The following DHRS7B variants were observed in gnomAD, a reference collection of about 807,000 sequenced individuals.
DHRS7B encodes dehydrogenase/reductase 7B.
Under a neutral mutation model 26.4 loss-of-function variants are expected in DHRS7B, and 24 were observed. The ratio of observed to expected loss-of-function variants is 0.91; its 90% CI spans 0.66 to 1.28. DHRS7B has a LOEUF of 1.28. DHRS7B is among the 50% of genes most tolerant of loss of function. The pLI, the probability that DHRS7B is intolerant of heterozygous loss-of-function variation, is 0.00. For missense variants in DHRS7B, 368 were observed against 419.4 expected, an observed-to-expected ratio of 0.88 and a Z score of 1.07; for synonymous variants, 142 against 166.4, an observed-to-expected ratio of 0.85 and a Z score of 1.13.
chr17:21,130,837 T>C (rs1973214600), intron 1 of DHRS7B, among the ~76,000 whole-genome samples: 1 of 152,208 alleles, frequency 6.6e-6, no homozygotes, highest in African/African-American at 2.4e-5. Flanking sequence ...GCCAATGTTA[T>C]TTTAATGCAA....
chr17:21,165,268 G>A (rs1974086414), intron 1 of DHRS7B, among the ~76,000 whole-genome samples: 3 of 152,056 alleles, frequency 2.0e-5, no homozygotes, highest in Admixed American at 6.5e-5. Flanking sequence ...GGTGCGGGGG[G>A]CCTGGGGCTC....
chr17:21,156,037 T>G (rs900898797), intron 1 of DHRS7B, among the ~76,000 whole-genome samples: 1 of 152,022 alleles, frequency 6.6e-6, no homozygotes, highest in Non-Finnish European at 1.5e-5. Flanking sequence ...ACAATCTAAG[T>G]TTATACTTTA....
chr17:21,169,835 G>A (rs1258856338), intron 1 of DHRS7B, among the ~76,000 whole-genome samples: 1 of 152,064 alleles, frequency 6.6e-6, no homozygotes, highest in Admixed American at 6.5e-5. Flanking sequence ...CCCAGAGGCT[G>A]AGCCCTACTA....
chr17:21,179,762 CTTTT>C (rs55928399), intron 3 of DHRS7B, among the ~76,000 whole-genome samples: 1 of 137,606 alleles, frequency 7.3e-6, no homozygotes, highest in African/African-American at 2.6e-5. Context: ...TTTTCACTTT[CTTTT>C]TTTTTTTTTT....
chr17:21,173,528 G>T (rs1974307338), intron 2 of DHRS7B, among the ~76,000 whole-genome samples: 1 of 152,246 alleles, frequency 6.6e-6, no homozygotes, highest in African/African-American at 2.4e-5. Context: ...GACTTATACA[G>T]TTGGGTGTTG....
intron 1 of DHRS7B, among the ~76,000 whole-genome samples, chr17:21,164,829 T>C (rs1171939864): frequency 6.6e-6 from 1 of 152,190 alleles, no homozygotes; most frequent in Non-Finnish European, 1.5e-5. Context: ...GAAGTGTAGT[T>C]GAGTGGATGA....
chr17:21,170,048 C>G (rs1298726492), intron 1 of DHRS7B, among the ~76,000 whole-genome samples: 3 of 152,232 alleles, frequency 2.0e-5, no homozygotes, highest in Non-Finnish European at 4.4e-5. Context: ...CCCCACCCCT[C>G]AACCAGCTTA....
chr17:21,187,023 A>C (rs1379074707), intron 5 of DHRS7B, among the ~76,000 whole-genome samples: 2 of 151,840 alleles, frequency 1.3e-5, no homozygotes, highest in Non-Finnish European at 2.9e-5. Flanking sequence ...GAGCTGTCCA[A>C]CCTGCCACCA....
intron 1 of DHRS7B, chr17:21,128,531 A>C (rs968759542): frequency 3.3e-5 from 5 of 152,198 alleles, no homozygotes; most frequent in African/African-American, 1.2e-4. Flanking sequence ...CCCCGTCTCT[A>C]CTAAAAAAAT....
chr17:21,127,028 C>T, intron 1 of DHRS7B, 37 bp downstream of exon 1: 3 of 1,511,256 alleles, frequency 2.0e-6, no homozygotes, highest in South Asian at 1.2e-5. Context: ...CGAGATGAGG[C>T]GATAGGGTCT....
At chr17:21,142,951 T>C (rs565162172) in intron 1 of DHRS7B, among the ~76,000 whole-genome samples, 3 of 152,304 alleles carry the variant, frequency 2.0e-5, no homozygotes, top group Non-Finnish European at 4.4e-5. Flanking sequence ...TGTTTTGAGG[T>C]GGCGTCTTGC....
chr17:21,178,156 A>C (rs1249869909), intron 2 of DHRS7B, 77 bp from the exon 3 acceptor site: 2 of 1,414,288 alleles, frequency 1.4e-6, no homozygotes, highest in African/African-American at 2.8e-5. Context: ...TGAAGCAGCA[A>C]ACAGCAACGC....
intron 3 of DHRS7B, among the ~76,000 whole-genome samples, chr17:21,178,761 C>T (rs1422503537): frequency 1.3e-5 from 2 of 150,052 alleles, no homozygotes; most frequent in African/African-American, 4.9e-5. Context: ...TGGGTTCAAG[C>T]GATTCTTCCG....
At chr17:21,165,511 G>A (rs964972337) in intron 1 of DHRS7B, among the ~76,000 whole-genome samples, 3 of 152,020 alleles carry the variant, frequency 2.0e-5, no homozygotes, top group African/African-American at 4.8e-5. Context: ...TTTTGGTAAA[G>A]ATGGGGTTTC....
chr17:21,149,136 C>T (rs920912053), intron 1 of DHRS7B, among the ~76,000 whole-genome samples: 6 of 151,884 alleles, frequency 4.0e-5, no homozygotes, highest in Admixed American at 2.6e-4. Context: ...GAAGAAGCCT[C>T]ATGGGAACCA....
chr17:21,165,586 A>C (rs1056371237), intron 1 of DHRS7B, among the ~76,000 whole-genome samples: 2 of 152,106 alleles, frequency 1.3e-5, no homozygotes, highest in Non-Finnish European at 2.9e-5. Flanking sequence ...GCCTCCCAAA[A>C]TGGTGAGATT....
At chr17:21,147,541 TC>T (rs1973668505) in intron 1 of DHRS7B, among the ~76,000 whole-genome samples, 1 of 152,112 alleles carries the variant, frequency 6.6e-6, no homozygotes, top group African/African-American at 2.4e-5. Context: ...ATGAAAAAGC[TC>T]CGAGCAGATG....
intron 1 of DHRS7B, among the ~76,000 whole-genome samples, chr17:21,171,323 C>T (rs1041692699): frequency 1.3e-5 from 2 of 152,258 alleles, no homozygotes; most frequent in African/African-American, 2.4e-5. Flanking sequence ...GACACTCATA[C>T]AGCCTCCAGA....
At chr17:21,130,824 G>A (rs1040096532) in intron 1 of DHRS7B, among the ~76,000 whole-genome samples, 1 of 152,108 alleles carries the variant, frequency 6.6e-6, no homozygotes, top group African/African-American at 2.4e-5. Context: ...CCTTTCTTTG[G>A]TAGCCAATGT....
Sources: gnomAD v4.1 joint callset for allele counts (sites outside exome capture counted in the v4.1 genomes callset) on GRCh38, gnomAD v4.1.1 for gene constraint, MANE v1.5 for transcripts, NCBI Gene and HGNC (gene_info 2026-07-23, HGNC 2026-07-21) for gene names.